Variants in PIK3C2B observed in about 807,000 individuals in gnomAD.
PIK3C2B encodes phosphatidylinositol 4-phosphate 3-kinase C2 domain-containing subunit beta.
A neutral mutation model predicts 184.3 loss-of-function variants in PIK3C2B; 83 were observed. The observed-to-expected ratio is 0.45, with a 90% CI of 0.38 to 0.54. PIK3C2B has a LOEUF of 0.54. Among genes scored for constraint, PIK3C2B ranks in the 20% least tolerant of loss-of-function variants. The probability of loss-of-function intolerance (pLI) is 0.00; values close to 1 mark genes in which losing one functional copy is unlikely to be tolerated. For synonymous variants in PIK3C2B, 779 were observed against 837.6 expected (o/e 0.93, Z 1.21); for missense variants, 1,736 against 2,113.5 (o/e 0.82, Z 3.50).
rs1410739407 is a variant in PIK3C2B at position 204,454,757 on chromosome 1, G to A, written c.1978C>T (p.His660Tyr). 1 of 1,613,366 alleles carries A rather than the reference G, an allele frequency of 6.2e-7. No individual in the cohort carries two copies. The highest frequency in any genetic ancestry group is 1.3e-5 in the African/African-American group (1 of 74,932). The part of the protein sequence containing the change: ...EDFYLSCSLS[H>Y]GGKELCSPLQ... The stretch of plus-strand genomic sequence containing the variant: ...GGGCTGCACAGCTCCTTGCCGCCAT[G>A]GCTGAGGGAGCAGGAGAGGTAGAAA... The change falls in exon 12 of 33, where the codon CAT becomes TAT. Residue 660 changes from histidine (H) to tyrosine (Y), a missense_variant. Around this residue, in one of 8 missense-constraint regions of PIK3C2B, gnomAD observed 609 missense variants for 699.2 expected, o/e 0.87. Coordinates refer to ENST00000684373, the MANE Select transcript of PIK3C2B (RefSeq NM_001377334.1).
intron 28 of PIK3C2B, chr1:204,431,409 A>G (rs1675047014): frequency 1.9e-6 from 1 of 527,110 alleles, no homozygotes; most frequent in Non-Finnish European, 3.4e-6. Context: ...CTCTTTAAAA[A>G]ATTAGAAATT....
intron 2 of PIK3C2B, chr1:204,466,820 G>A (rs1347359252): frequency 1.9e-6 from 1 of 531,716 alleles, no homozygotes; most frequent in Non-Finnish European, 3.9e-6. Context: ...CTGGCTGGGG[G>A]AGTCTGCCGG....
chr1:204,447,592 T>C lies in PIK3C2B; in HGVS notation c.2347-14A>G, dbSNP rs1653989169. The C allele has an allele frequency of 1.9e-6, 3 of 1,598,556 alleles. No individual in the cohort carries two copies. Among genetic ancestry groups the C allele is most frequent in the Middle Eastern group, 2.0e-4 (1 of 4,978 alleles). ...GGGGAAGTCAATCTGGGGGATGAGA[T>C]CAGGGATGTGAGGAGAGAAAACAGG... On this transcript the variant is annotated splice_polypyrimidine_tract_variant and intron_variant, in intron 14 of 32. Coordinates refer to ENST00000684373, the MANE Select transcript of PIK3C2B (RefSeq NM_001377334.1). The surrounding 1 kb of genome is among the most constrained non-coding windows in gnomAD (Gnocchi z 4.1).
At chr1:204,460,498 T>TC in intron 6 of PIK3C2B, 52 bp downstream of exon 6, 28 of 1,560,250 alleles carry the variant, frequency 1.8e-5, no homozygotes, top group Non-Finnish European at 2.4e-5. Context: ...TATATTGTAT[T>TC]CCCATTCCAC....
intron 5 of PIK3C2B, 32 bp downstream of exon 5, chr1:204,463,980 A>G (rs745390491): frequency 6.2e-7 from 1 of 1,609,322 alleles, no homozygotes; most frequent in Non-Finnish European, 8.5e-7. Context: ...ACTACCAGGA[A>G]GGCAGGGGCT....
At position 204,465,285 on chromosome 1, in the gene PIK3C2B, T is replaced by C. The variant is rs745612005; in HGVS notation, c.968A>G (p.His323Arg). 4 of 1,603,710 alleles carry C rather than the reference T, an allele frequency of 2.5e-6. No individual in the cohort carries two copies. The highest frequency in any genetic ancestry group is 1.7e-4 in the Middle Eastern group (1 of 6,030). Residue 323 changes from histidine (H) to arginine (R), a missense_variant, in exon 3 of 33, where the codon CAT becomes CGT. His to Arg is a conservative substitution (Grantham distance 29, BLOSUM62 0). This residue lies in a region of PIK3C2B where 404 missense variants were observed against 418.0 expected (regional missense o/e 0.97). Coordinates refer to ENST00000684373, the MANE Select transcript of PIK3C2B (RefSeq NM_001377334.1). ...GSRPHTVANGHELFEVSEERD... is the reference protein window; with the variant it reads ...GSRPHTVANGRELFEVSEERD... ...CTCTTCTGAGACCTCAAACAACTCA[T>C]GGCCATTGGCAACAGTGTGGGGCCG...
Position 204,449,881 on chromosome 1 carries a change from A to G in PIK3C2B, c.2203T>C (p.Trp735Arg). 1 of 1,613,458 alleles carries G rather than the reference A, an allele frequency of 6.2e-7. No individual in the cohort carries two copies. Among genetic ancestry groups the G allele is most frequent in the Non-Finnish European group, 8.5e-7 (1 of 1,179,676 alleles). Residue 735 changes from tryptophan to arginine, a missense_variant, in exon 13 of 33, where the codon TGG becomes CGG. Physicochemically the swap from Trp to Arg is moderately radical, Grantham distance 101. Coordinates refer to ENST00000684373, the MANE Select transcript of PIK3C2B (RefSeq NM_001377334.1). Reference protein sequence around the residue: ...KQRRVPEALGWVTTPLFNFRQ... With the variant: ...KQRRVPEALGRVTTPLFNFRQ... ...AAGTTGAAGAGTGGGGTAGTGACCC[A>G]GCCCAGGGCTTCAGGCACCCGCCGC...
At chr1:204,449,331 G>A (rs1654155898) in intron 13 of PIK3C2B, 35 bp from the exon 14 acceptor site, 1 of 1,500,782 alleles carries the variant, frequency 6.7e-7, no homozygotes, top group Admixed American at 1.9e-5. Flanking sequence ...AGCTGCTAAA[G>A]TGGCTAAGCA....
rs1018327586 is a variant in PIK3C2B at position 204,447,523 on chromosome 1, T to C, written c.2402A>G (p.Lys801Arg). Residue 801 changes from lysine to arginine, a missense_variant, in exon 15 of 33, where the codon AAG (lysine) becomes AGG (arginine). Coordinates refer to ENST00000684373, the MANE Select transcript of PIK3C2B (RefSeq NM_001377334.1). The surrounding 1 kb of genome is among the most constrained non-coding windows in gnomAD (Gnocchi z 4.1). Reference sequence around the variant, plus strand: ...GCCAAACTCATAGCGGGGGCTGAACTTGTCTCCAGGGGGGCTGGTGAACTT... The same window carrying C: ...GCCAAACTCATAGCGGGGGCTGAACCTGTCTCCAGGGGGGCTGGTGAACTT... ...DIKFTSPPGD[K>R]FSPRYEFGSL... 1 of 1,609,640 alleles carries C rather than the reference T, an allele frequency of 6.2e-7. No individual in the cohort carries two copies. The highest frequency in any genetic ancestry group is 1.7e-5 in the Admixed American group (1 of 59,856).
At chr1:204,426,266 G>A (rs1406764484) in intron 31 of PIK3C2B, among the ~76,000 whole-genome samples, 1 of 152,208 alleles carries the variant, frequency 6.6e-6, no homozygotes, top group Non-Finnish European at 1.5e-5. Context: ...CTATCAGGGT[G>A]AGGTGCTGGT....
intron 15 of PIK3C2B, among the ~76,000 whole-genome samples, chr1:204,446,636 G>A (rs943063625): frequency 3.3e-5 from 5 of 152,176 alleles, no homozygotes; most frequent in East Asian, 1.9e-4. Context: ...ACCAGCTGTC[G>A]GCTTTCAAGG....
intron 16 of PIK3C2B, 75 bp from the exon 17 acceptor site, chr1:204,444,499 C>T: frequency 1.9e-6 from 2 of 1,056,150 alleles, no homozygotes; most frequent in Non-Finnish European, 2.9e-6. Context: ...CACCCTCACA[C>T]CTGGGCTTCA....
chr1:204,425,286 A>G (rs931350664), intron 32 of PIK3C2B, among the ~76,000 whole-genome samples: 4 of 152,064 alleles, frequency 2.6e-5, no homozygotes, highest in African/African-American at 7.2e-5. Flanking sequence ...GCCACTGCTC[A>G]TTTTCAGCAC....
rs1299943562 is a variant in PIK3C2B, at chr1:204,434,465, A to G, written c.3660T>C (p.His1220=). 2 of 1,614,146 alleles carry G rather than the reference A, an allele frequency of 1.2e-6. No homozygotes were observed. The highest frequency in any genetic ancestry group is 4.5e-5 in the East Asian group (2 of 44,880). ...GCTTGATGTTGCCAAACATCTGGGC[A>G]TGGCCCAGGAAGCGGCCAAAATCAA... ...FHIDFGRFLG[H]AQMFGNIKRD... is the part of the protein sequence containing the mutation. Residue 1220 remains histidine (H), a synonymous_variant, in exon 24 of 33, where the codon CAT becomes CAC. Transcript: ENST00000684373.
chr1:204,450,954 C>T (rs1461851053), intron 12 of PIK3C2B, among the ~76,000 whole-genome samples: 5 of 152,348 alleles, frequency 3.3e-5, no homozygotes, highest in South Asian at 2.1e-4. Context: ...AGAGGCAGGG[C>T]GGCCACCCCC....
intron 5 of PIK3C2B, among the ~76,000 whole-genome samples, chr1:204,462,328 ACTT>A (rs1257565302): frequency 6.6e-6 from 1 of 151,054 alleles, no homozygotes; most frequent in Admixed American, 6.6e-5. Context: ...GAGCCCTAGG[ACTT>A]CTCTCCGTGG....
Position 204,446,024 on chromosome 1 carries a change from G to A in PIK3C2B, c.2610C>T (p.Asp870=). The change falls in exon 16 of 33, where the codon GAC becomes GAT. Residue 870 remains aspartate, a synonymous_variant. Transcript: ENST00000684373. ...APSWEWACLP[D]IYVLLKQWTH... ...TCCACTGCTTCAGGAGAACATAGATGTCAGGCAGGCAAGCCCACTCCCAGC... is the reference window on the plus strand; with the variant it reads ...TCCACTGCTTCAGGAGAACATAGATATCAGGCAGGCAAGCCCACTCCCAGC... The A allele has an allele frequency of 1.2e-6, 2 of 1,604,922 alleles. No homozygotes were observed. Among genetic ancestry groups the A allele is most frequent in the Non-Finnish European group, 1.7e-6 (2 of 1,173,708 alleles).
chr1:204,433,839 T>A lies in PIK3C2B; in HGVS notation c.3797A>T (p.Asn1266Ile). 6.2e-7 allele frequency: 1 copy of A among 1,613,916 alleles called. No homozygotes were observed. The highest frequency in any genetic ancestry group is 1.1e-5 in the South Asian group (1 of 91,054). ...DFVDLCCQAY[N>I]LIRKHTHLFL... is the part of the protein sequence containing the mutation. ...GAGGTGGGTGTGCTTGCGAATGAGG[T>A]TGTAGGCTTGGCAGCAAAGGTCAAC... The change falls in exon 25 of 33, where the codon AAC (asparagine) becomes ATC (isoleucine). Residue 1266 changes from asparagine to isoleucine, a missense_variant. Physicochemically the swap from Asn to Ile is moderately radical, Grantham distance 149. Coordinates refer to ENST00000684373, the MANE Select transcript of PIK3C2B (RefSeq NM_001377334.1). This position sits in a 1 kb window ranked among gnomAD's most constrained non-coding sequence, Gnocchi z 5.0.
intron 29 of PIK3C2B, chr1:204,428,851 G>T: frequency 2.3e-6 from 1 of 443,566 alleles, no homozygotes; most frequent in Non-Finnish European, 4.5e-6. Flanking sequence ...AAGTGTTTAG[G>T]TGATGGATAT....
Sources: allele counts gnomAD v4.1 joint callset (sites outside exome capture counted in the v4.1 genomes callset), GRCh38; gene constraint gnomAD v4.1.1; regional missense constraint gnomAD v4.1.1; non-coding constraint Gnocchi (gnomAD v3.1); transcripts MANE v1.5; gene names NCBI Gene and HGNC (gene_info 2026-07-23, HGNC 2026-07-21).